FABP7: variants seen among roughly 807,000 people sequenced by gnomAD.
FABP7 encodes the protein fatty acid-binding protein, brain.
In FABP7, 13 loss-of-function variants were observed where a neutral mutation model predicts 14.2. The observed-to-expected ratio is 0.91, with a 90% CI of 0.59 to 1.45. The LOEUF (loss-of-function observed/expected upper bound fraction) is 1.45, where lower values mean the gene tolerates loss of function less well. Among genes scored for constraint, FABP7 ranks in the 40% most tolerant of loss-of-function variants. The pLI is 0.00. For missense variants in FABP7, 149 were observed against 157.6 expected (o/e 0.95, Z 0.29); for synonymous variants, 49 against 51.4 (o/e 0.95, Z 0.20).
chr6:122,760,177 T>C, the FABP7 span, among the ~76,000 whole-genome samples: 1 of 152,128 alleles, frequency 6.6e-6, no homozygotes, highest in Non-Finnish European at 1.5e-5. Context: ...TTGACCAAGG[T>C]ACACACCCAA....
the FABP7 span, among the ~76,000 whole-genome samples, chr6:122,760,115 T>C: frequency 6.6e-6 from 1 of 151,386 alleles, no homozygotes. Flanking sequence ...AAAAAAAAGA[T>C]ATAATTTACA....
At chr6:122,769,741 G>C in the FABP7 span, among the ~76,000 whole-genome samples, 1 of 152,042 alleles carries the variant, frequency 6.6e-6, no homozygotes, top group Non-Finnish European at 1.5e-5. Context: ...TTAACAAATT[G>C]AGGAGTACAA....
chr6:122,782,182 T>C (rs1002182317), intron 3 of FABP7: 2 of 982,108 alleles, frequency 2.0e-6, no homozygotes, highest in African/African-American at 3.5e-5. Context: ...TCTTCTTACT[T>C]ACTAGGAATT....
chr6:122,759,569 C>T, the FABP7 span, among the ~76,000 whole-genome samples: 3 of 152,134 alleles, frequency 2.0e-5, no homozygotes, highest in African/African-American at 7.2e-5. Flanking sequence ...CTTCTAAGCA[C>T]TTTATTTGTA....
chr6:122,766,008 G>A, the FABP7 span, among the ~76,000 whole-genome samples: 1 of 151,998 alleles, frequency 6.6e-6, no homozygotes, highest in African/African-American at 2.4e-5. Context: ...TATTTATCAA[G>A]ACCTGAAATT....
At chr6:122,749,565 C>T in the FABP7 span, among the ~76,000 whole-genome samples, 1 of 152,192 alleles carries the variant, frequency 6.6e-6, no homozygotes, top group Non-Finnish European at 1.5e-5. Flanking sequence ...TATCTACTCT[C>T]ATGACTGACA....
At chr6:122,753,780 T>TA in the FABP7 span, among the ~76,000 whole-genome samples, 1 of 45,018 alleles carries the variant, frequency 2.2e-5, no homozygotes, top group Non-Finnish European at 4.6e-5. Flanking sequence ...TGGGTCCAAA[T>TA]CCCGCCCCCC....
In FABP7 at chr6:122,780,291, G is replaced by A. The variant is rs201036828; in HGVS notation, c.74G>A (p.Gly25Asp). Residue 25 changes from glycine to aspartate, a missense_variant and splice_region_variant, in exon 2 of 4, where the codon GGC becomes GAC. By Grantham distance (94) the Gly-to-Asp change is moderately conservative. Transcript: ENST00000368444. The part of the protein sequence containing the change: ...QNFDEYMKAL[G>D]VGFATRQVGN... ...TGTACTGTTCCCTTTGCTATTTTAGGCGTGGGCTTTGCCACTAGGCAGGTG... is the reference window on the plus strand; with the variant it reads ...TGTACTGTTCCCTTTGCTATTTTAGACGTGGGCTTTGCCACTAGGCAGGTG... 181 of 1,614,018 alleles carry A rather than the reference G, an allele frequency of 1.1e-4. No individual in the cohort carries two copies. Among genetic ancestry groups the A allele is most frequent in the Admixed American group, 9.5e-4 (57 of 59,980 alleles).
upstream of FABP7, among the ~76,000 whole-genome samples, chr6:122,776,238 G>A (rs889970147): frequency 6.6e-6 from 1 of 152,082 alleles, no homozygotes; most frequent in East Asian, 1.9e-4. Flanking sequence ...GTTTATTACA[G>A]CACTAGTTAC....
chr6:122,769,692 T>G, the FABP7 span, among the ~76,000 whole-genome samples: 1 of 152,090 alleles, frequency 6.6e-6, no homozygotes, highest in African/African-American at 2.4e-5. Context: ...ACTTACGAAA[T>G]GCTGGCATTT....
chr6:122,761,032 A>G, the FABP7 span, among the ~76,000 whole-genome samples: 5 of 152,166 alleles, frequency 3.3e-5, no homozygotes, highest in African/African-American at 1.2e-4. Context: ...AAACATAACT[A>G]TTTAGTTCTG....
chr6:122,771,029 A>G, the FABP7 span, among the ~76,000 whole-genome samples: 1 of 152,226 alleles, frequency 6.6e-6, no homozygotes, highest in South Asian at 2.1e-4. Context: ...CACACAAGTC[A>G]TACATTTGCT....
At chr6:122,764,394 G>A in the FABP7 span, among the ~76,000 whole-genome samples, 2 of 152,050 alleles carry the variant, frequency 1.3e-5, no homozygotes, top group African/African-American at 4.8e-5. Context: ...GTCATGGGGT[G>A]GGGGGAGTGG....
chr6:122,750,699 A>G, the FABP7 span, among the ~76,000 whole-genome samples: 1 of 152,210 alleles, frequency 6.6e-6, no homozygotes. Flanking sequence ...AGGAAGAACT[A>G]AACAAAGAAG....
At chr6:122,779,541 G>T, upstream of FABP7, 2 of 537,104 alleles carry the variant, frequency 3.7e-6, no homozygotes, top group South Asian at 4.4e-5. Context: ...TAACCCAGTG[G>T]CCTGAGCCAA....
chr6:122,781,455 T>C (rs1780782159), intron 3 of FABP7: 2 of 1,404,806 alleles, frequency 1.4e-6, no homozygotes, highest in Admixed American at 2.9e-5. Flanking sequence ...AAAGTTGCCA[T>C]TGATTTGCCT....
intron 2 of FABP7, 68 bp from the exon 3 acceptor site, chr6:122,781,025 A>G: frequency 2.0e-6 from 3 of 1,514,070 alleles, no homozygotes; most frequent in Non-Finnish European, 2.7e-6. Flanking sequence ...CAAAAATCAC[A>G]TCGTCTTCCG....
At chr6:122,750,791 A>G in the FABP7 span, among the ~76,000 whole-genome samples, 1 of 152,252 alleles carries the variant, frequency 6.6e-6, no homozygotes, top group African/African-American at 2.4e-5. Flanking sequence ...AGGCAAAGCC[A>G]GTGAAGAGAG....
chr6:122,776,271 C>G (rs1055144881), upstream of FABP7, among the ~76,000 whole-genome samples: 3 of 152,040 alleles, frequency 2.0e-5, no homozygotes, highest in Non-Finnish European at 4.4e-5. Context: ...TTGGAATCAA[C>G]CTGTGTTCAT....
Sources: gnomAD v4.1 joint callset for allele counts (sites outside exome capture counted in the v4.1 genomes callset) on GRCh38, gnomAD v4.1.1 for gene constraint, MANE v1.5 for transcripts, NCBI Gene and HGNC (gene_info 2026-07-23, HGNC 2026-07-21) for gene names.